Variants in ASIC2 observed in about 807,000 individuals in gnomAD.
ASIC2 encodes the protein acid sensing ion channel subunit 2.
ASIC2 carries 25 observed loss-of-function variants against 57.3 expected under a neutral mutation model. That is an observed-to-expected ratio of 0.44 (90% CI 0.32 to 0.61). The LOEUF is 0.61. Ranked by LOEUF, ASIC2 falls within the 20% of genes least tolerant of loss-of-function variation. ASIC2 has a pLI of 0.06. For missense variants in ASIC2, 641 were observed against 738.1 expected (o/e 0.87, Z 1.52); for synonymous variants, 319 against 307.5 (o/e 1.04, Z -0.39).
chr17:33,126,949 G>A (rs1402446056), intron 1 of ASIC2, among the ~76,000 whole-genome samples: 1 of 131,450 alleles, frequency 7.6e-6, no homozygotes, highest in East Asian at 2.5e-4. Context: ...CTCACTGCAA[G>A]CTCTGCTTCC....
At chr17:33,511,102 G>A (rs997467620) in intron 1 of ASIC2, among the ~76,000 whole-genome samples, 2 of 151,650 alleles carry the variant, frequency 1.3e-5, no homozygotes, top group East Asian at 2.0e-4. Context: ...TTTCACAGAC[G>A]GGTGCCCACC....
At chr17:33,681,913 C>G (rs1476242965) in intron 1 of ASIC2, among the ~76,000 whole-genome samples, 1 of 152,082 alleles carries the variant, frequency 6.6e-6, no homozygotes, top group East Asian at 1.9e-4. Context: ...CATGGTGGAG[C>G]CTCAATAAAT....
intron 1 of ASIC2, among the ~76,000 whole-genome samples, chr17:33,507,704 C>G (rs1027008941): frequency 2.0e-5 from 3 of 152,110 alleles, no homozygotes; most frequent in Admixed American, 6.5e-5. Context: ...GAGTTCAAGA[C>G]TAGCTTGGCT....
intron 1 of ASIC2, among the ~76,000 whole-genome samples, chr17:33,996,388 C>T (rs558219659): frequency 2.5e-4 from 38 of 152,160 alleles, no homozygotes; most frequent in African/African-American, 8.7e-4. Context: ...GCTTTTGTTA[C>T]CTTTGCTTTT....
At chr17:33,482,332 C>G (rs1188716166) in intron 1 of ASIC2, among the ~76,000 whole-genome samples, 2 of 152,206 alleles carry the variant, frequency 1.3e-5, no homozygotes, top group African/African-American at 4.8e-5. Context: ...ATGCTGTTCC[C>G]TCTGTTCATA....
rs1905440439 is a variant in ASIC2, at chr17:33,291,436, T to A, written c.680A>T (p.Glu227Val). The A allele has an allele frequency of 5.0e-6, 8 of 1,605,264 alleles. No individual in the cohort carries two copies. The highest frequency in any genetic ancestry group is 6.8e-6 in the Non-Finnish European group (8 of 1,175,484). ...DMLLSCKYRG[E>V]LCGPHNFSSV... ...GGAGAAGTTGTGCGGCCCGCAGAGC[T>A]CGCCGCGGTACTTGCAGGAGAGCAG... is the stretch of plus-strand genomic sequence containing the variant. Residue 227 changes from glutamate to valine, a missense_variant, in exon 1 of 10, where the codon GAG becomes GTG. Physicochemically the swap from Glu to Val is moderately radical, Grantham distance 121 (BLOSUM62 -2). Coordinates refer to ENST00000225823, the MANE Select transcript of ASIC2 (RefSeq NM_183377.2).
chr17:34,003,687 G>C (rs935090279), intron 1 of ASIC2: 6 of 152,160 alleles, frequency 3.9e-5, no homozygotes, highest in African/African-American at 1.4e-4. Context: ...ACTTTCAGAG[G>C]TTAAATCACT....
At chr17:33,385,891 GAT>G (rs1909657622) in intron 1 of ASIC2, among the ~76,000 whole-genome samples, 1 of 152,194 alleles carries the variant, frequency 6.6e-6, no homozygotes, top group Admixed American at 6.5e-5. Context: ...ATGGAGATAA[GAT>G]AGTGTACTGT....
chr17:33,594,696 C>A (rs994814180), intron 1 of ASIC2, among the ~76,000 whole-genome samples: 1 of 151,956 alleles, frequency 6.6e-6, no homozygotes, highest in Non-Finnish European at 1.5e-5. Context: ...GGCGTGCTGG[C>A]GGGCGCCTGT....
intron 1 of ASIC2, among the ~76,000 whole-genome samples, chr17:33,875,643 C>T (rs1186124147): frequency 6.6e-6 from 1 of 152,166 alleles, no homozygotes; most frequent in East Asian, 1.9e-4. Flanking sequence ...TTGCTCCTCT[C>T]CTTAAATCTT....
chr17:33,919,107 G>C (rs1006169219), intron 1 of ASIC2, among the ~76,000 whole-genome samples: 2 of 152,180 alleles, frequency 1.3e-5, no homozygotes, highest in African/African-American at 4.8e-5. Flanking sequence ...GGCAATGCTA[G>C]TGCAGGCGAT....
intron 1 of ASIC2, among the ~76,000 whole-genome samples, chr17:33,214,826 G>A (rs1907416606): frequency 6.6e-6 from 1 of 152,198 alleles, no homozygotes; most frequent in South Asian, 2.1e-4. Context: ...TGTGCTAGGT[G>A]GGTGAAAGTA....
intron 1 of ASIC2, among the ~76,000 whole-genome samples, chr17:33,817,538 A>C (rs1912620223): frequency 1.3e-5 from 2 of 152,158 alleles, no homozygotes; most frequent in Admixed American, 6.5e-5. Context: ...AAAGAAAAAC[A>C]GTGCCATTTC....
chr17:33,962,055 C>A (rs576313295), intron 1 of ASIC2, among the ~76,000 whole-genome samples: 1 of 152,296 alleles, frequency 6.6e-6, no homozygotes, highest in African/African-American at 2.4e-5. Flanking sequence ...TAACACTCCG[C>A]ACACTTGCCG....
chr17:33,164,576 G>GCGCACGCA (rs386418951), intron 1 of ASIC2, among the ~76,000 whole-genome samples: 1 of 149,782 alleles, frequency 6.7e-6, no homozygotes, highest in Non-Finnish European at 1.5e-5. Flanking sequence ...GCACATGCAC[G>GCGCACGCA]CACACACACA....
intron 1 of ASIC2, among the ~76,000 whole-genome samples, chr17:33,939,263 TCC>T (rs1000870507): frequency 6.6e-6 from 1 of 152,074 alleles, no homozygotes; most frequent in Non-Finnish European, 1.5e-5. Flanking sequence ...ATCTCATTAA[TCC>T]CCCCAATTGC....
intron 1 of ASIC2, among the ~76,000 whole-genome samples, chr17:33,357,698 T>C (rs1214983269): frequency 6.6e-6 from 1 of 152,164 alleles, no homozygotes; most frequent in African/African-American, 2.4e-5. Flanking sequence ...CAGGGTGACT[T>C]TGGAAGTTGT....
At chr17:33,784,325 T>A (rs1025843571) in intron 1 of ASIC2, among the ~76,000 whole-genome samples, 1 of 152,188 alleles carries the variant, frequency 6.6e-6, no homozygotes, top group Admixed American at 6.5e-5. Flanking sequence ...CTCTTAAACT[T>A]ACTGAAATAG....
chr17:34,010,423 A>G (rs531501816), intron 1 of ASIC2, among the ~76,000 whole-genome samples: 1 of 152,296 alleles, frequency 6.6e-6, no homozygotes, highest in South Asian at 2.1e-4. Context: ...CAAGCTGTGC[A>G]CAGTCCATCT....
Sources: allele counts gnomAD v4.1 joint callset (sites outside exome capture counted in the v4.1 genomes callset), GRCh38; gene constraint gnomAD v4.1.1; transcripts MANE v1.5; gene names NCBI Gene and HGNC (gene_info 2026-07-23, HGNC 2026-07-21).